MUC4: variants seen among roughly 807,000 people sequenced by gnomAD.
MUC4 encodes the protein mucin-4.
A neutral mutation model predicts 257.9 loss-of-function variants in MUC4; 202 were observed. The ratio of observed to expected loss-of-function variants is 0.78; its 90% CI spans 0.70 to 0.88. MUC4 has a LOEUF of 0.88. Ranked by LOEUF, MUC4 falls within the 40% of genes least tolerant of loss-of-function variation. The pLI, the probability that MUC4 is intolerant of heterozygous loss-of-function variation, is 0.00. For missense variants in MUC4, 5,976 were observed against 6,513.7 expected (o/e 0.92, Z 2.84); for synonymous variants, 2,351 against 2,757.1 (o/e 0.85, Z 4.62).
chr3:195,782,035 G>T lies in MUC4; in HGVS notation c.9545C>A (p.Thr3182Asn). ...TSLSSVSTGD[T>N]TPLPVTSPSS... ...AGGGCTAGTGACAGGAAGAGGCGTG[G>T]TGTCACCTGTGGATACTGAGGAAAG... The change falls in exon 2 of 25, where the codon ACC (threonine) becomes AAC (asparagine). Residue 3182 changes from threonine (T) to asparagine (N), a missense_variant. By Grantham distance (65) the Thr-to-Asn change is moderately conservative (BLOSUM62 0). Coordinates refer to ENST00000463781, the MANE Select transcript of MUC4 (RefSeq NM_018406.7). 2 of 1,493,358 alleles carry T rather than the reference G, an allele frequency of 1.3e-6. No individual in the cohort carries two copies. The highest frequency in any genetic ancestry group is 1.8e-6 in the Non-Finnish European group (2 of 1,114,612). 92.5% of individuals were successfully genotyped at this position (1,493,358 alleles called of 1,614,324 possible). A position where few individuals can be genotyped will look rare whatever the true frequency, so the allele number is the denominator to read the frequency against.
intron 20 of MUC4, 41 bp downstream of exon 20, chr3:195,753,010 G>T: frequency 6.4e-7 from 1 of 1,561,330 alleles, no homozygotes; most frequent in Non-Finnish European, 8.7e-7. Flanking sequence ...GTGGGGCCCA[G>T]GAAGAGTGCG....
chr3:195,803,762 A>T (rs1735644897), intron 1 of MUC4, among the ~76,000 whole-genome samples: 1 of 152,222 alleles, frequency 6.6e-6, no homozygotes, highest in Non-Finnish European at 1.5e-5. Context: ...GCTCGGGGTA[A>T]GAGCCATTGC....
chr3:195,758,991 C>T (rs546768413), intron 17 of MUC4, 133 bp downstream of exon 17: 24 of 1,247,550 alleles, frequency 1.9e-5, no homozygotes, highest in African/African-American at 3.0e-5. Flanking sequence ...TCGGAAATGC[C>T]GGTCCTGGAT....
intron 24 of MUC4, among the ~76,000 whole-genome samples, chr3:195,748,078 G>A (rs1371529071): frequency 6.6e-6 from 1 of 152,252 alleles, no homozygotes; most frequent in Non-Finnish European, 1.5e-5. Flanking sequence ...CTGGCGGAGG[G>A]CCCGGAGCCC....
intron 3 of MUC4, among the ~76,000 whole-genome samples, chr3:195,775,588 A>G (rs373470710): frequency 5.3e-4 from 48 of 89,826 alleles, no homozygotes; most frequent in African/African-American, 2.2e-3. Context: ...TACCTTCCAC[A>G]CCCATACCTT....
At chr3:195,798,584 G>A (rs1187142573) in intron 1 of MUC4, among the ~76,000 whole-genome samples, 4 of 149,802 alleles carry the variant, frequency 2.7e-5, no homozygotes, top group Non-Finnish European at 5.9e-5. Context: ...GGCGCCTGTA[G>A]TCCCAGCTAC....
intron 1 of MUC4, among the ~76,000 whole-genome samples, chr3:195,799,253 GTGTGTGTGACAC>G (rs2149062772): frequency 8.0e-6 from 1 of 124,862 alleles, no homozygotes; most frequent in African/African-American, 2.6e-5. Flanking sequence ...GTGTGTGTGT[GTGTGTGTGACAC>G]TGTGTGTGTG....
Position 195,787,287 on chromosome 3 carries a change from G to A in MUC4, c.4293C>T (p.Ser1431=), listed in dbSNP as rs1436125200. Residue 1431 remains serine, a synonymous_variant, in exon 2 of 25, where the codon TCC becomes TCT. Coordinates refer to ENST00000463781, the MANE Select transcript of MUC4 (RefSeq NM_018406.7). The stretch of plus-strand genomic sequence containing the variant: ...AGGTGGCGTGATCTGTGGACACTGA[G>A]GAAGCGTCGGTGACAGGAAGAGGGG... ...HATPLPVTDA[S]SVSTDHATSL... 4.0e-6 allele frequency: 2 copies of A among 498,646 alleles called. No individual in the cohort carries two copies. The highest frequency in any genetic ancestry group is 3.4e-5 in the East Asian group (1 of 29,776). The allele number at this position is 498,646 out of a possible 1,614,324, so 30.9% of individuals were successfully genotyped here. A position where few individuals can be genotyped will look rare whatever the true frequency, so the allele number is the denominator to read the frequency against.
Position 195,780,547 on chromosome 3 carries a change from G to T in MUC4, c.11033C>A (p.Thr3678Asn). ...AGTGTCCGTGACAGGAAGACGGGTG[G>T]TGTCACCTGTGGATGCTGAGGAAGT... is the stretch of plus-strand genomic sequence containing the variant. ...TDTSSASTGD[T>N]TRLPVTDTSS... Residue 3678 changes from threonine (T) to asparagine (N), a missense_variant, in exon 2 of 25, where the codon ACC becomes AAC. Physicochemically the swap from Thr to Asn is moderately conservative, Grantham distance 65. Around this residue, in one of 44 missense-constraint regions of MUC4, gnomAD observed 330 missense variants for 262.0 expected, o/e 1.26. Transcript: ENST00000463781. 1.5e-6 allele frequency: 1 copy of T among 671,412 alleles called. No homozygotes were observed. Among genetic ancestry groups the T allele is most frequent in the Non-Finnish European group, 2.0e-6 (1 of 504,694 alleles). 41.6% of individuals were successfully genotyped at this position (671,412 alleles called of 1,614,324 possible).
chr3:195,764,163 G>A lies in MUC4; in HGVS notation c.13926C>T (p.Ala4642=). ...ACCAGCTCTGTGGCTCCAGTTCCTG[G>A]GCTGCGGAGAACAGCAGTGAGTCGG... ...GWHVQRPWQL[A]QELEPQSWCC... is the part of the protein sequence containing the mutation. The change falls in exon 11 of 25, where the codon GCC becomes GCT. Residue 4642 remains alanine (A), a splice_region_variant and synonymous_variant. Coordinates refer to ENST00000463781, the MANE Select transcript of MUC4 (RefSeq NM_018406.7). The A allele has an allele frequency of 1.3e-6, 2 of 1,564,572 alleles. No homozygotes were observed. The highest frequency in any genetic ancestry group is 1.7e-6 in the Non-Finnish European group (2 of 1,154,854).
chr3:195,808,664 C>A (rs1170147252), intron 1 of MUC4, among the ~76,000 whole-genome samples: 2 of 152,192 alleles, frequency 1.3e-5, no homozygotes, highest in Non-Finnish European at 1.5e-5. Flanking sequence ...CCAAGGGCGT[C>A]GCTGATGCTG....
rs369424890 is a variant in MUC4, at chr3:195,789,469, T to C, written c.2111A>G (p.His704Arg). ...TGCTGTGGTCGGGGCCTGGGTTGTGTGACCATCCCCGGTGGGAGCTGGGGC... is the reference window on the plus strand; with the variant it reads ...TGCTGTGGTCGGGGCCTGGGTTGTGCGACCATCCCCGGTGGGAGCTGGGGC... ...TFAPAPTGDGHTTQAPTTALQ... is the reference protein window; with the variant it reads ...TFAPAPTGDGRTTQAPTTALQ... The change falls in exon 2 of 25, where the codon CAC becomes CGC. Residue 704 changes from histidine (H) to arginine (R), a missense_variant. By Grantham distance (29) the His-to-Arg change is conservative. Coordinates refer to ENST00000463781, the MANE Select transcript of MUC4 (RefSeq NM_018406.7). 7 of 1,613,852 alleles carry C rather than the reference T, an allele frequency of 4.3e-6. No homozygotes were observed. Among genetic ancestry groups the C allele is most frequent in the Admixed American group, 1.7e-5 (1 of 59,994 alleles).
rs779403752 is a variant in MUC4 at position 195,778,296 on chromosome 3, G to A, written c.12943+7C>T. The A allele has an allele frequency of 1.1e-5, 18 of 1,607,244 alleles. No individual in the cohort carries two copies. Among genetic ancestry groups the A allele is most frequent in the Non-Finnish European group, 1.5e-5 (18 of 1,177,604 alleles). On this transcript the variant is annotated splice_region_variant and intron_variant, in intron 3 of 24. Coordinates refer to ENST00000463781, the MANE Select transcript of MUC4 (RefSeq NM_018406.7). ...AAAAGGCACAGGCCTCACCTGTATG[G>A]CCTCACCTCTCTCAGGCAGGATGGG... is the stretch of plus-strand genomic sequence containing the variant.
At position 195,778,767 on chromosome 3, in the gene MUC4, AAGGC is replaced by A; in HGVS notation, c.12790+19_12790+22del. 5.0e-6 allele frequency: 8 copies of A among 1,591,518 alleles called. No individual in the cohort carries two copies. Among genetic ancestry groups the A allele is most frequent in the Non-Finnish European group, 6.9e-6 (8 of 1,166,870 alleles). On this transcript the variant is annotated intron_variant, in intron 2 of 24. Coordinates refer to ENST00000463781, the MANE Select transcript of MUC4 (RefSeq NM_018406.7). ...GCCAAGGGGCCCACTGGGAGACATA[AAGGC>A]GAGGCAGTTGGCAGCTACCTGGTGT...
At chr3:195,802,216 T>A (rs73085337) in intron 1 of MUC4, among the ~76,000 whole-genome samples, 8 of 152,188 alleles carry the variant, frequency 5.3e-5, no homozygotes, top group African/African-American at 1.9e-4. Flanking sequence ...AAGCTGTGGG[T>A]CCTCTGGATT....
In MUC4 at chr3:195,791,267, G is replaced by T. The variant is rs936190685; in HGVS notation, c.313C>A (p.Pro105Thr). The T allele has an allele frequency of 4.8e-6, 4 of 825,378 alleles. No individual in the cohort carries two copies. The highest frequency in any genetic ancestry group is 7.0e-6 in the Non-Finnish European group (4 of 571,216). The allele number at this position is 825,378 out of a possible 1,614,324, so 51.1% of individuals were successfully genotyped here. The change falls in exon 2 of 25, where the codon CCA (proline) becomes ACA (threonine). Residue 105 changes from proline to threonine, a missense_variant. This residue lies in a region of MUC4 where 1,583 missense variants were observed against 1,257.4 expected (regional missense o/e 1.26). Transcript: ENST00000463781. ...QMMTSTLFSS[P>T]SVHNVMETAP... ...GTCTCCATCACATTGTGTACACTTG[G>T]GGAAGAAAAAAGAGTTGATGTCATC... is the stretch of plus-strand genomic sequence containing the variant.
At chr3:195,754,912 T>C (rs115075231) in intron 18 of MUC4, among the ~76,000 whole-genome samples, 95,283 of 150,320 alleles carry the variant, frequency 0.63, 31,261 homozygotes, top group East Asian at 0.8. Context: ...TATGTGTGTG[T>C]CATGCATGTA....
intron 16 of MUC4, 30 bp from the exon 17 acceptor site, chr3:195,759,291 G>A (rs778199670): frequency 5.1e-5 from 82 of 1,609,870 alleles, no homozygotes; most frequent in Admixed American, 6.7e-5. Context: ...TGGGGGTTCC[G>A]AGGCAGGACA....
In MUC4 at chr3:195,757,436, C is replaced by G. The variant is rs187255664; in HGVS notation, c.14987-108G>C. The G allele has an allele frequency of 5.9e-6, 6 of 1,020,552 alleles. No homozygotes were observed. In the African/African-American group the frequency reaches 8.1e-5, roughly 14 times the overall value. 63.2% of individuals were successfully genotyped at this position (1,020,552 alleles called of 1,614,324 possible). On this transcript the variant is annotated intron_variant, in intron 17 of 24. Coordinates refer to ENST00000463781, the MANE Select transcript of MUC4 (RefSeq NM_018406.7). The surrounding 1 kb of genome is among the most constrained non-coding windows in gnomAD (Gnocchi z 4.8). ...CCCCTCTCAGGCCACCCTCCCCCTC[C>G]CCAGACAAATCTCATTGGTCATTTC... is the stretch of plus-strand genomic sequence containing the variant.
Sources: gnomAD v4.1 joint callset for allele counts (sites outside exome capture counted in the v4.1 genomes callset) on GRCh38, gnomAD v4.1.1 for gene constraint, gnomAD v4.1.1 regional missense constraint, Gnocchi (gnomAD v3.1) non-coding constraint, MANE v1.5 for transcripts, NCBI Gene and HGNC (gene_info 2026-07-23, HGNC 2026-07-21) for gene names.